ALKBH8: variants seen among roughly 807,000 people sequenced by gnomAD.
The protein encoded by ALKBH8 is tRNA (carboxymethyluridine(34)-5-O)-methyltransferase ALKBH8.
ALKBH8 carries 36 observed loss-of-function variants against 59.8 expected under a neutral mutation model. The ratio of observed to expected loss-of-function variants is 0.60; its 90% CI spans 0.46 to 0.79. The LOEUF is 0.79. ALKBH8 is among the 30% of genes least tolerant of loss of function. The probability of loss-of-function intolerance (pLI) is 0.00; values close to 1 mark genes in which losing one functional copy is unlikely to be tolerated. For missense variants in ALKBH8, 768 were observed against 801.0 expected (o/e 0.96, Z 0.50); for synonymous variants, 276 against 273.6 (o/e 1.01, Z -0.09).
At position 107,525,416 on chromosome 11, in the gene ALKBH8, AGACGAG is replaced by A; in HGVS notation, c.1030+19_1030+24del. On this transcript the variant is annotated intron_variant, in intron 9 of 11. Coordinates refer to ENST00000428149, the MANE Select transcript of ALKBH8 (RefSeq NM_138775.3). ...TTATATTAAACTGACTCCATTTTAC[AGACGAG>A]ATAAGAGTATATACTTACTACAGTT... The A allele has an allele frequency of 6.6e-7, 1 of 1,509,054 alleles. No homozygotes were observed. The highest frequency in any genetic ancestry group is 8.9e-7 in the Non-Finnish European group (1 of 1,129,804). 93.5% of individuals were successfully genotyped at this position (1,509,054 alleles called of 1,614,324 possible).
At chr11:107,527,741 C>G (rs1221386700) in intron 8 of ALKBH8, among the ~76,000 whole-genome samples, 1 of 151,904 alleles carries the variant, frequency 6.6e-6, no homozygotes, top group Non-Finnish European at 1.5e-5. Flanking sequence ...TTTTCTATAT[C>G]CACAATAATG....
At chr11:107,538,789 G>A (rs1217618810) in intron 7 of ALKBH8, among the ~76,000 whole-genome samples, 1 of 152,190 alleles carries the variant, frequency 6.6e-6, no homozygotes, top group Non-Finnish European at 1.5e-5. Context: ...GAACACTTCT[G>A]AGAAAGAAGA....
At chr11:107,544,828 C>T (rs1864183177) in intron 7 of ALKBH8, among the ~76,000 whole-genome samples, 2 of 133,516 alleles carry the variant, frequency 1.5e-5, no homozygotes, top group Admixed American at 8.5e-5. Context: ...CACACACACA[C>T]ACACACACAC....
intron 10 of ALKBH8, among the ~76,000 whole-genome samples, chr11:107,513,881 G>C (rs1862743564): frequency 6.6e-6 from 1 of 152,108 alleles, no homozygotes; most frequent in South Asian, 2.1e-4. Flanking sequence ...AGACACTGGG[G>C]CCTGCTTAAG....
In ALKBH8 at chr11:107,504,483, G is replaced by C. The variant is rs770671098; in HGVS notation, c.*175C>G. 8 of 778,792 alleles carry C rather than the reference G, an allele frequency of 1.0e-5. No individual in the cohort carries two copies. The highest frequency in any genetic ancestry group is 4.5e-5 in the South Asian group (3 of 66,970). 48.2% of individuals were successfully genotyped at this position (778,792 alleles called of 1,614,324 possible). ...AGCCAACACCACATCTGTGATGTCA[G>C]CCAACAGGAGACATTTGAATGTCTC... On this transcript the variant is annotated 3_prime_UTR_variant, in exon 12 of 12. Transcript: ENST00000428149.
chr11:107,531,083 T>A (rs1467671461), intron 8 of ALKBH8, among the ~76,000 whole-genome samples: 2 of 151,994 alleles, frequency 1.3e-5, no homozygotes, highest in Non-Finnish European at 2.9e-5. Flanking sequence ...CATTTTTTTT[T>A]ATTTTAAGTG....
At chr11:107,544,171 G>C (rs1383338001) in intron 7 of ALKBH8, among the ~76,000 whole-genome samples, 1 of 152,118 alleles carries the variant, frequency 6.6e-6, no homozygotes, top group Non-Finnish European at 1.5e-5. Flanking sequence ...CTGCTTTCTT[G>C]CTACAAAGTA....
chr11:107,553,328 G>T, intron 4 of ALKBH8, 125 bp from the exon 5 acceptor site: 2 of 563,324 alleles, frequency 3.6e-6, no homozygotes, highest in South Asian at 2.7e-5. Context: ...GGTAAATTAT[G>T]GTCTTTAACA....
chr11:107,504,606 T>C lies in ALKBH8; in HGVS notation c.*52A>G, dbSNP rs1862297504. 3 of 1,522,644 alleles carry C rather than the reference T, an allele frequency of 2.0e-6. No individual in the cohort carries two copies. Among genetic ancestry groups the C allele is most frequent in the African/African-American group, 1.4e-5 (1 of 71,280 alleles). 94.3% of individuals were successfully genotyped at this position (1,522,644 alleles called of 1,614,324 possible). On this transcript the variant is annotated 3_prime_UTR_variant, in exon 12 of 12. Transcript: ENST00000428149. ...AAAGGGTAATTAATTTATTCTCTCTTTTTTTTTAAGTGAGCATTTCTTCTT... is the reference window on the plus strand; with the variant it reads ...AAAGGGTAATTAATTTATTCTCTCTCTTTTTTTAAGTGAGCATTTCTTCTT...
chr11:107,563,666 C>T (rs1235473390), intron 1 of ALKBH8: 1 of 152,206 alleles, frequency 6.6e-6, no homozygotes, highest in East Asian at 1.9e-4. Flanking sequence ...GGAACAGCAA[C>T]TTTGCAGTAT....
intron 11 of ALKBH8, among the ~76,000 whole-genome samples, chr11:107,507,015 T>A (rs528142448): frequency 1.3e-5 from 2 of 152,084 alleles, no homozygotes; most frequent in African/African-American, 4.8e-5. Flanking sequence ...ATCATGCCAA[T>A]TTAAGGTAGA....
chr11:107,551,012 C>T (rs775131503), intron 6 of ALKBH8, among the ~76,000 whole-genome samples: 12 of 152,132 alleles, frequency 7.9e-5, no homozygotes, highest in Non-Finnish European at 1.8e-4. Flanking sequence ...TTGCTATAAA[C>T]GTCAGATGAA....
At chr11:107,509,974 T>C (rs1490922504) in intron 11 of ALKBH8, among the ~76,000 whole-genome samples, 1 of 152,206 alleles carries the variant, frequency 6.6e-6, no homozygotes, top group Non-Finnish European at 1.5e-5. Context: ...AAGCGGATTT[T>C]TAAATTTACT....
At chr11:107,559,171 T>C (rs475574) in intron 2 of ALKBH8, among the ~76,000 whole-genome samples, 3,507 of 152,302 alleles carry the variant, frequency 0.023, 135 homozygotes, top group African/African-American at 0.078. Context: ...TCTGCCACGA[T>C]TGTGAGGCCT....
In ALKBH8 at chr11:107,505,084, A is replaced by C. The variant is rs2135459549; in HGVS notation, c.1569T>G (p.Asn523Lys). ...TCATCTCCTCTTTCTTTCCTTGGCT[A>C]TTTCTGTTTCCTCTAAGATACTTGG... is the stretch of plus-strand genomic sequence containing the variant. ...QKSKYLRGNRNSQGKKEEMNS... is the reference protein window; with the variant it reads ...QKSKYLRGNRKSQGKKEEMNS... The change falls in exon 12 of 12, where the codon AAT becomes AAG. Residue 523 changes from asparagine (N) to lysine (K), a missense_variant. Transcript: ENST00000428149. 6.4e-7 allele frequency: 1 copy of C among 1,551,390 alleles called. No individual in the cohort carries two copies. The highest frequency in any genetic ancestry group is 8.7e-7 in the Non-Finnish European group (1 of 1,146,930).
At chr11:107,554,052 C>T (rs1864607529) in intron 3 of ALKBH8, 74 bp from the exon 4 acceptor site, 6 of 1,543,370 alleles carry the variant, frequency 3.9e-6, no homozygotes, top group Admixed American at 4.1e-5. Flanking sequence ...TGCCCAATAA[C>T]TCTTTATCAG....
chr11:107,520,552 T>A (rs639556), intron 10 of ALKBH8, among the ~76,000 whole-genome samples: 142,569 of 152,258 alleles, frequency 0.94, 66,896 homozygotes, highest in South Asian at 0.97. Context: ...CAGAGCCTAC[T>A]GAGAAACATT....
chr11:107,555,016 T>C (rs770050530), intron 3 of ALKBH8, among the ~76,000 whole-genome samples: 12 of 152,202 alleles, frequency 7.9e-5, no homozygotes, highest in Admixed American at 1.3e-4. Flanking sequence ...TCCCAGCACT[T>C]TGGGAGTCCG....
At chr11:107,526,668 A>G (rs1375939142) in intron 8 of ALKBH8, among the ~76,000 whole-genome samples, 1 of 152,010 alleles carries the variant, frequency 6.6e-6, no homozygotes, top group African/African-American at 2.4e-5. Flanking sequence ...TCACAAAAAC[A>G]GTTTTTTATA....
Sources: allele counts gnomAD v4.1 joint callset (sites outside exome capture counted in the v4.1 genomes callset), GRCh38; gene constraint gnomAD v4.1.1; transcripts MANE v1.5; gene names NCBI Gene and HGNC (gene_info 2026-07-23, HGNC 2026-07-21).